Variants in RORA observed in about 807,000 individuals in gnomAD.
RORA encodes the protein nuclear receptor ROR-alpha.
In RORA, 7 loss-of-function variants were observed where a neutral mutation model predicts 69.5. That is an observed-to-expected ratio of 0.10 (90% CI 0.06 to 0.19). RORA has a LOEUF of 0.19. Among genes scored for constraint, RORA ranks in the 10% least tolerant of loss-of-function variants. The pLI, the probability that RORA is intolerant of heterozygous loss-of-function variation, is 1.00. For synonymous variants in RORA, 261 were observed against 240.8 expected (o/e 1.08, Z -0.78); for missense variants, 457 against 663.0 (o/e 0.69, Z 3.41).
intron 1 of RORA, among the ~76,000 whole-genome samples, chr15:60,866,953 C>T (rs185917240): frequency 1.5e-4 from 23 of 152,190 alleles, no homozygotes; most frequent in African/African-American, 5.3e-4. Context: ...GTAACCACTG[C>T]CTGCAGGGCT....
intron 1 of RORA, among the ~76,000 whole-genome samples, chr15:61,189,556 T>A (rs2079776319): frequency 6.6e-6 from 1 of 152,080 alleles, no homozygotes; most frequent in Admixed American, 6.5e-5. Flanking sequence ...CCCCAGGTGC[T>A]GAAGACAGAA....
intron 1 of RORA, among the ~76,000 whole-genome samples, chr15:61,112,421 G>A (rs1490272486): frequency 2.0e-5 from 3 of 152,032 alleles, no homozygotes; most frequent in Non-Finnish European, 2.9e-5. Context: ...AAAGGGAAGC[G>A]GAAAGCAATC....
At chr15:60,588,805 G>A (rs952481218) in intron 2 of RORA, among the ~76,000 whole-genome samples, 2 of 152,128 alleles carry the variant, frequency 1.3e-5, no homozygotes, top group Non-Finnish European at 2.9e-5. Flanking sequence ...TAAATTATAT[G>A]GTTCTCAATT....
chr15:61,140,628 G>A (rs2079288878), intron 1 of RORA, among the ~76,000 whole-genome samples: 1 of 152,010 alleles, frequency 6.6e-6, no homozygotes, highest in Non-Finnish European at 1.5e-5. Flanking sequence ...AGATCTACAA[G>A]GGGACCCCAA....
At chr15:60,499,774 C>G (rs1023417243) in intron 10 of RORA, 118 bp downstream of exon 10, 2 of 595,342 alleles carry the variant, frequency 3.4e-6, no homozygotes, top group Admixed American at 3.1e-5. Context: ...TTTTTAGTAG[C>G]CTGTTGCCTT....
intron 1 of RORA, among the ~76,000 whole-genome samples, chr15:60,973,779 G>A (rs1595854993): frequency 1.3e-5 from 2 of 152,206 alleles, no homozygotes; most frequent in African/African-American, 4.8e-5. Context: ...CTGGTGGCTC[G>A]ATCAGGCTCC....
intron 1 of RORA, among the ~76,000 whole-genome samples, chr15:61,059,929 G>C (rs1370161603): frequency 1.1e-4 from 13 of 119,184 alleles, no homozygotes; most frequent in South Asian, 5.6e-4. Flanking sequence ...AGAAGAAGAA[G>C]AAGAACAAGA....
Position 60,497,571 on chromosome 15 carries a change from C to G in RORA, c.1456G>C (p.Glu486Gln), listed in dbSNP as rs752754508. The stretch of plus-strand genomic sequence containing the variant: ...ATTGCTTTAAATGCCATTAGCTTTT[C>G]TGTATGTCGTCCACATAAGGCTCTT... ...TLRALCGRHTEKLMAFKAIYP... is the reference protein window; with the variant it reads ...TLRALCGRHTQKLMAFKAIYP... Residue 486 changes from glutamate to glutamine, a missense_variant, in exon 11 of 11, where the codon GAA becomes CAA. This residue lies in a region of RORA where 304 missense variants were observed against 447.4 expected (regional missense o/e 0.68). Transcript: ENST00000335670. The G allele has an allele frequency of 5.3e-5, 85 of 1,612,716 alleles. No individual in the cohort carries two copies. The Admixed American group carries it at 1.3e-3, about 25-fold the overall frequency.
intron 1 of RORA, among the ~76,000 whole-genome samples, chr15:61,121,839 G>C (rs1285782535): frequency 7.5e-6 from 1 of 133,156 alleles, no homozygotes; most frequent in South Asian, 2.4e-4. Context: ...AAAAAAAAAT[G>C]ACTTCCTATA....
chr15:60,911,388 A>C (rs1346334903), intron 1 of RORA, among the ~76,000 whole-genome samples: 3 of 152,178 alleles, frequency 2.0e-5, no homozygotes, highest in Non-Finnish European at 4.4e-5. Flanking sequence ...TGAGAACATC[A>C]GATCAACCCA....
At chr15:60,504,408 G>A (rs2065430084) in intron 6 of RORA, among the ~76,000 whole-genome samples, 1 of 152,182 alleles carries the variant, frequency 6.6e-6, no homozygotes, top group Admixed American at 6.5e-5. Flanking sequence ...TTAGCCAGGC[G>A]TGGTGGTACA....
Position 61,113,198 on chromosome 15 carries a change from G to C in RORA, c.166+115855C>G, listed in dbSNP as rs62005659. 2.4e-3 allele frequency among the ~76,000 whole-genome samples: 373 copies of C among 152,318 alleles called. 1 individual carries two copies. Among genetic ancestry groups the C allele is most frequent in the Middle Eastern group, 0.01 (3 of 294 alleles). On this transcript the variant is annotated intron_variant, in intron 1 of 10. Coordinates refer to ENST00000335670, the MANE Select transcript of RORA (RefSeq NM_134261.3). Reference sequence around the variant, plus strand: ...TGCAGACCTTAATCTAACCTTACAAGGTAAGTGTTCTGCTCTTTCTAGTTA... The same window carrying C: ...TGCAGACCTTAATCTAACCTTACAACGTAAGTGTTCTGCTCTTTCTAGTTA...
intron 1 of RORA, among the ~76,000 whole-genome samples, chr15:61,086,889 T>C (rs767800241): frequency 1.3e-5 from 2 of 152,152 alleles, no homozygotes; most frequent in Non-Finnish European, 2.9e-5. Context: ...AAAAAGCATA[T>C]GGGCAGGGTG....
At chr15:61,097,543 T>G (rs2078809022) in intron 1 of RORA, among the ~76,000 whole-genome samples, 1 of 152,048 alleles carries the variant, frequency 6.6e-6, no homozygotes, top group African/African-American at 2.4e-5. Context: ...CAGGGACTTT[T>G]GTGTTACTTA....
At chr15:60,884,425 C>A (rs1189604702) in intron 1 of RORA, among the ~76,000 whole-genome samples, 2 of 151,636 alleles carry the variant, frequency 1.3e-5, no homozygotes, top group African/African-American at 4.8e-5. Flanking sequence ...ACTTATGTCA[C>A]CCAGTAGAAA....
At chr15:60,824,717 A>AGG (rs1277768084) in intron 1 of RORA, among the ~76,000 whole-genome samples, 8 of 152,200 alleles carry the variant, frequency 5.3e-5, no homozygotes, top group African/African-American at 1.9e-4. Flanking sequence ...AAGTGAGGTG[A>AGG]TTTTTGTAAA....
At chr15:61,047,197 T>C (rs1897072514) in intron 1 of RORA, among the ~76,000 whole-genome samples, 1 of 152,232 alleles carries the variant, frequency 6.6e-6, no homozygotes, top group Admixed American at 6.5e-5. Flanking sequence ...GTTCTGACCG[T>C]CCTTATGCCC....
At chr15:60,605,994 C>T (rs751561565) in intron 2 of RORA, among the ~76,000 whole-genome samples, 1 of 152,150 alleles carries the variant, frequency 6.6e-6, no homozygotes, top group Admixed American at 6.5e-5. Flanking sequence ...GACTTGTCAG[C>T]GAACAGGAAA....
chr15:60,578,835 C>A (rs1039558849), intron 2 of RORA, among the ~76,000 whole-genome samples: 1 of 150,284 alleles, frequency 6.7e-6, no homozygotes, highest in African/African-American at 2.4e-5. Context: ...ACAATCTCGG[C>A]TCACTGCAAG....
Sources: gnomAD v4.1 joint callset for allele counts (sites outside exome capture counted in the v4.1 genomes callset) on GRCh38, gnomAD v4.1.1 for gene constraint, gnomAD v4.1.1 regional missense constraint, MANE v1.5 for transcripts, NCBI Gene and HGNC (gene_info 2026-07-23, HGNC 2026-07-21) for gene names.